SLC2A9: variants seen among roughly 807,000 people sequenced by gnomAD.
The protein encoded by SLC2A9 is solute carrier family 2, facilitated glucose transporter member 9.
SLC2A9 carries 39 observed loss-of-function variants against 50.6 expected under a neutral mutation model. The observed-to-expected ratio is 0.77, with a 90% confidence interval of 0.60 to 1.01. The LOEUF (loss-of-function observed/expected upper bound fraction) is 1.01, where lower values mean the gene tolerates loss of function less well. Among genes scored for constraint, SLC2A9 ranks in the 50% least tolerant of loss-of-function variants. The pLI is 0.00. For missense variants in SLC2A9, 686 were observed against 677.6 expected (o/e 1.01, Z -0.14); for synonymous variants, 324 against 276.9 (o/e 1.17, Z -1.69).
chr4:9,881,004 C>T (rs1260577597), intron 10 of SLC2A9, among the ~76,000 whole-genome samples: 1 of 152,248 alleles, frequency 6.6e-6, no homozygotes, highest in Non-Finnish European at 1.5e-5. Context: ...AGCCAAGACG[C>T]TCTGAGATTT....
At chr4:9,897,636 C>T (rs1204370880) in intron 8 of SLC2A9, among the ~76,000 whole-genome samples, 1 of 152,046 alleles carries the variant, frequency 6.6e-6, no homozygotes, top group Non-Finnish European at 1.5e-5. Context: ...CCTGTAATCC[C>T]AGCACTTTGG....
intron 7 of SLC2A9, among the ~76,000 whole-genome samples, chr4:9,910,634 C>A (rs954889793): frequency 5.9e-5 from 9 of 152,326 alleles, no homozygotes; most frequent in East Asian, 3.9e-4. Flanking sequence ...GCTCATGGTC[C>A]TGAGGCTCCC....
chr4:9,994,380 A>G (rs1758241391), intron 3 of SLC2A9, among the ~76,000 whole-genome samples: 3 of 152,134 alleles, frequency 2.0e-5, no homozygotes, highest in Non-Finnish European at 2.9e-5. Context: ...TCAAGCTGAA[A>G]CTTCAGCCCA....
intron 3 of SLC2A9, among the ~76,000 whole-genome samples, chr4:9,996,299 T>C (rs192641527): frequency 6.6e-6 from 1 of 152,348 alleles, no homozygotes; most frequent in Admixed American, 6.5e-5. Context: ...TGTATGTACT[T>C]ACGTGGAACA....
upstream of SLC2A9, among the ~76,000 whole-genome samples, chr4:10,024,462 G>T (rs888183367): frequency 4.6e-5 from 7 of 152,200 alleles, no homozygotes; most frequent in Non-Finnish European, 1.0e-4. Flanking sequence ...CACACACAGA[G>T]GGATGACCAC....
intron 1 of SLC2A9, among the ~76,000 whole-genome samples, chr4:9,772,764 T>C (rs1716998505): frequency 6.6e-6 from 1 of 152,214 alleles, no homozygotes; most frequent in African/African-American, 2.4e-5. Flanking sequence ...GTACAGCATC[T>C]CATTTACCCA....
downstream of SLC2A9, among the ~76,000 whole-genome samples, chr4:9,779,058 A>G (rs1241387323): frequency 6.6e-6 from 1 of 151,926 alleles, no homozygotes; most frequent in Non-Finnish European, 1.5e-5. Context: ...GAGCCACCAC[A>G]CCTGGCTGGT....
chr4:10,001,984 G>A (rs1172793868), intron 2 of SLC2A9, among the ~76,000 whole-genome samples: 1 of 152,212 alleles, frequency 6.6e-6, no homozygotes, highest in Non-Finnish European at 1.5e-5. Context: ...TCAGATGCTG[G>A]AACTTTGATC....
chr4:10,028,139 A>C (rs1476776146), intron 1 of SLC2A9, among the ~76,000 whole-genome samples: 2 of 152,188 alleles, frequency 1.3e-5, no homozygotes, highest in African/African-American at 2.4e-5. Context: ...TCGAGCTGCC[A>C]CACCAGGCCA....
chr4:10,027,815 C>T (rs1022585115), intron 1 of SLC2A9, among the ~76,000 whole-genome samples: 6 of 152,226 alleles, frequency 3.9e-5, no homozygotes, highest in African/African-American at 1.2e-4. Flanking sequence ...ATTAGGACAG[C>T]CATCACCTTA....
In SLC2A9 at chr4:9,893,395, T is replaced by C. The variant is rs574802102; in HGVS notation, c.1114-2684A>G. ...TAACGCAGGCAGAATGATTCTCATT[T>C]GCAGGGGGAGGGCGGGGAGGGCAGT... is the stretch of plus-strand genomic sequence containing the variant. On this transcript the variant is annotated intron_variant, in intron 8 of 11. Coordinates refer to ENST00000264784, the MANE Select transcript of SLC2A9 (RefSeq NM_020041.3). Among the ~76,000 whole-genome samples, 22 of 151,680 alleles carry C rather than the reference T, an allele frequency of 1.5e-4. No individual in the cohort carries two copies. The East Asian group carries it at 4.3e-3, about 30-fold the overall frequency.
chr4:9,965,148 A>T (rs7657340), intron 5 of SLC2A9, among the ~76,000 whole-genome samples: 73,136 of 151,684 alleles, frequency 0.48, 18,940 homozygotes, highest in African/African-American at 0.67. Flanking sequence ...ATGCTATTGT[A>T]TAGGTAACAA....
At chr4:9,843,745 C>T (rs1048700459) in intron 10 of SLC2A9, among the ~76,000 whole-genome samples, 5 of 152,128 alleles carry the variant, frequency 3.3e-5, no homozygotes, top group African/African-American at 9.7e-5. Flanking sequence ...GTGTGATGAA[C>T]ACTCAATAGC....
At chr4:9,827,562 G>A (rs1013510946) in intron 11 of SLC2A9, among the ~76,000 whole-genome samples, 4 of 152,314 alleles carry the variant, frequency 2.6e-5, no homozygotes, top group African/African-American at 9.6e-5. Context: ...GAATGGCAAA[G>A]TGCTTAAGCT....
intron 2 of SLC2A9, among the ~76,000 whole-genome samples, chr4:9,998,149 G>T (rs1268806072): frequency 3.9e-5 from 6 of 152,170 alleles, no homozygotes; most frequent in Admixed American, 2.0e-4. Context: ...CAGGGACTAG[G>T]TGATTCTGAT....
At chr4:9,817,652 C>T (rs766551192) in intron 3 of SLC2A9, among the ~76,000 whole-genome samples, 10 of 152,162 alleles carry the variant, frequency 6.6e-5, no homozygotes, top group East Asian at 3.8e-4. Flanking sequence ...ATGTCCACTC[C>T]GAGTCCTTTT....
intron 6 of SLC2A9, among the ~76,000 whole-genome samples, chr4:9,932,388 T>C (rs761809484): frequency 9.9e-5 from 15 of 152,008 alleles, no homozygotes; most frequent in Non-Finnish European, 1.3e-4. Context: ...ATAAGTAAAA[T>C]AGGAAAAGTG....
At chr4:9,854,765 T>G (rs1425992116) in intron 10 of SLC2A9, among the ~76,000 whole-genome samples, 1 of 152,216 alleles carries the variant, frequency 6.6e-6, no homozygotes, top group Non-Finnish European at 1.5e-5. Context: ...TTATCCACTA[T>G]GAGGAAGTAG....
chr4:10,011,332 C>A (rs980751363), intron 2 of SLC2A9, among the ~76,000 whole-genome samples: 28 of 152,114 alleles, frequency 1.8e-4, no homozygotes, highest in Admixed American at 1.6e-3. Flanking sequence ...GGGCTCAGAA[C>A]CCCCCACTCC....
Sources: gnomAD v4.1 joint callset for allele counts (sites outside exome capture counted in the v4.1 genomes callset) on GRCh38, gnomAD v4.1.1 for gene constraint, MANE v1.5 for transcripts, NCBI Gene and HGNC (gene_info 2026-07-23, HGNC 2026-07-21) for gene names.